Variants in KIAA1217 observed in about 807,000 individuals in gnomAD.
KIAA1217 encodes KIAA1217, also known as sickle tail protein homolog.
Under a neutral mutation model 163.9 loss-of-function variants are expected in KIAA1217, and 88 were observed. That is an observed-to-expected ratio of 0.54 (90% confidence interval 0.45 to 0.64). The LOEUF is 0.64. Among genes scored for constraint, KIAA1217 ranks in the 30% least tolerant of loss-of-function variants. KIAA1217 has a pLI of 0.00. For synonymous variants in KIAA1217, 903 were observed against 923.1 expected, an observed-to-expected ratio of 0.98 and a Z score of 0.39; for missense variants, 2,372 against 2,475.0, an observed-to-expected ratio of 0.96 and a Z score of 0.88.
At chr10:23,932,239 A>C (rs1589101790) in intron 1 of KIAA1217, among the ~76,000 whole-genome samples, 1 of 152,352 alleles carries the variant, frequency 6.6e-6, no homozygotes, top group African/African-American at 2.4e-5. Context: ...GTTGATATTC[A>C]TCACAGCTTG....
intron 2 of KIAA1217, among the ~76,000 whole-genome samples, chr10:24,280,015 A>G (rs1031071219): frequency 6.6e-6 from 1 of 152,186 alleles, no homozygotes; most frequent in African/African-American, 2.4e-5. Flanking sequence ...AAATGAACAT[A>G]TAGGCCCTTT....
At chr10:24,459,002 T>C (rs1241058848) in intron 5 of KIAA1217, among the ~76,000 whole-genome samples, 1 of 151,852 alleles carries the variant, frequency 6.6e-6, no homozygotes, top group African/African-American at 2.4e-5. Context: ...GAAATACAGA[T>C]TCCTCGGCAC....
chr10:24,357,627 A>G (rs2049281394), intron 2 of KIAA1217, among the ~76,000 whole-genome samples: 1 of 152,168 alleles, frequency 6.6e-6, no homozygotes, highest in South Asian at 2.1e-4. Context: ...GAGGTTTGCA[A>G]GCTCTTTTTT....
intron 1 of KIAA1217, among the ~76,000 whole-genome samples, chr10:23,843,052 G>A (rs991348403): frequency 6.6e-6 from 1 of 152,126 alleles, no homozygotes; most frequent in Non-Finnish European, 1.5e-5. Flanking sequence ...ACCACTTAGG[G>A]TTAGTCGTGA....
At chr10:23,832,561 T>C (rs542344382) in intron 1 of KIAA1217, among the ~76,000 whole-genome samples, 2 of 152,268 alleles carry the variant, frequency 1.3e-5, no homozygotes, top group African/African-American at 4.8e-5. Flanking sequence ...ACATGGTTGG[T>C]TTCCCTGGCA....
chr10:24,159,550 C>T (rs184786533), intron 2 of KIAA1217, among the ~76,000 whole-genome samples: 665 of 151,826 alleles, frequency 4.4e-3, no homozygotes, highest in African/African-American at 0.016. Context: ...GAGGCCGAGG[C>T]GGGCGGATCA....
intron 2 of KIAA1217, among the ~76,000 whole-genome samples, chr10:24,197,869 T>A (rs2067064231): frequency 6.6e-6 from 1 of 152,246 alleles, no homozygotes; most frequent in Non-Finnish European, 1.5e-5. Context: ...CAGTTCAAGC[T>A]TTTTGTGCAT....
At chr10:23,970,130 C>G (rs1371863277) in intron 1 of KIAA1217, among the ~76,000 whole-genome samples, 4 of 152,184 alleles carry the variant, frequency 2.6e-5, no homozygotes, top group African/African-American at 9.7e-5. Flanking sequence ...GGTGGGGACA[C>G]AGCCAAACCA....
chr10:23,753,585 T>C (rs1468613006), intron 1 of KIAA1217, among the ~76,000 whole-genome samples: 1 of 152,216 alleles, frequency 6.6e-6, no homozygotes, highest in Non-Finnish European at 1.5e-5. Context: ...ATAATATATT[T>C]TCAAAACATT....
At chr10:23,770,415 T>G (rs1834740953) in intron 1 of KIAA1217, among the ~76,000 whole-genome samples, 1 of 152,216 alleles carries the variant, frequency 6.6e-6, no homozygotes, top group South Asian at 2.1e-4. Context: ...CTTAAAATAT[T>G]CCTTCAGGCT....
At chr10:24,224,088 C>G (rs570235373) in intron 2 of KIAA1217, among the ~76,000 whole-genome samples, 17 of 152,260 alleles carry the variant, frequency 1.1e-4, no homozygotes, top group Admixed American at 7.8e-4. Context: ...CACCTTAACT[C>G]CCTTCTACAG....
At chr10:24,184,732 T>A (rs1202482880) in intron 2 of KIAA1217, among the ~76,000 whole-genome samples, 1 of 152,174 alleles carries the variant, frequency 6.6e-6, no homozygotes, top group Non-Finnish European at 1.5e-5. Flanking sequence ...ACTGGCAGTA[T>A]TCAATTCAAA....
chr10:23,738,316 A>G (rs1838921773), intron 1 of KIAA1217, among the ~76,000 whole-genome samples: 1 of 152,230 alleles, frequency 6.6e-6, no homozygotes, highest in African/African-American at 2.4e-5. Context: ...TTATTCTCTC[A>G]TATCTCTGAT....
chr10:23,850,823 G>T (rs1185314735), intron 1 of KIAA1217, among the ~76,000 whole-genome samples: 1 of 152,018 alleles, frequency 6.6e-6, no homozygotes, highest in Non-Finnish European at 1.5e-5. Context: ...ATGGTAGAAG[G>T]TGAAGGGGAA....
intron 1 of KIAA1217, among the ~76,000 whole-genome samples, chr10:23,898,369 T>C (rs888005269): frequency 1.3e-5 from 2 of 151,766 alleles, no homozygotes; most frequent in South Asian, 2.1e-4. Context: ...CATCAAACTA[T>C]ACTAACACCC....
chr10:23,917,260 G>T (rs78382097), intron 1 of KIAA1217, among the ~76,000 whole-genome samples: 393 of 152,246 alleles, frequency 2.6e-3, no homozygotes, highest in African/African-American at 9.2e-3. Flanking sequence ...ATTCAGAATG[G>T]AAGTCTTGCT....
intron 1 of KIAA1217, among the ~76,000 whole-genome samples, chr10:23,761,358 T>G (rs141621004): frequency 3.3e-4 from 51 of 152,368 alleles, no homozygotes; most frequent in African/African-American, 1.2e-3. Context: ...GGGTGTTGAT[T>G]TGAGATCTTT....
intron 5 of KIAA1217, among the ~76,000 whole-genome samples, chr10:24,459,742 G>A (rs1390801949): frequency 6.6e-6 from 1 of 152,020 alleles, no homozygotes; most frequent in Non-Finnish European, 1.5e-5. Flanking sequence ...GGGCAATGTA[G>A]TGAGCTCTTA....
intron 1 of KIAA1217, among the ~76,000 whole-genome samples, chr10:23,876,854 A>G (rs933239789): frequency 2.6e-5 from 4 of 151,962 alleles, no homozygotes; most frequent in African/African-American, 7.2e-5. Flanking sequence ...TTTTACAACT[A>G]TATTTGATGA....
Sources: allele counts gnomAD v4.1 joint callset (sites outside exome capture counted in the v4.1 genomes callset), GRCh38; gene constraint gnomAD v4.1.1; transcripts MANE v1.5; gene names NCBI Gene and HGNC (gene_info 2026-07-23, HGNC 2026-07-21).